The following RBFOX1 variants were observed in gnomAD, a reference collection of about 807,000 sequenced individuals.
RBFOX1 encodes the protein RNA binding fox-1 homolog 1.
In RBFOX1, 8 loss-of-function variants were observed where a neutral mutation model predicts 57.7. The ratio of observed to expected loss-of-function variants is 0.14; its 90% CI spans 0.08 to 0.25. RBFOX1 has a LOEUF of 0.25. Among genes scored for constraint, RBFOX1 ranks in the 10% least tolerant of loss-of-function variants. The pLI, the probability that RBFOX1 is intolerant of heterozygous loss-of-function variation, is 1.00. For missense variants in RBFOX1, 611 were observed against 548.5 expected, an observed-to-expected ratio of 1.11 and a Z score of -1.14; for synonymous variants, 326 against 222.4, an observed-to-expected ratio of 1.47 and a Z score of -4.15.
At chr16:7,646,263 A>G (rs896087812) in intron 11 of RBFOX1, among the ~76,000 whole-genome samples, 1 of 152,196 alleles carries the variant, frequency 6.6e-6, no homozygotes, top group African/African-American at 2.4e-5. Flanking sequence ...TCTATGAGCT[A>G]TGGCTGGTGG....
chr16:5,406,453 A>G (rs1289156044), intron 1 of RBFOX1, among the ~76,000 whole-genome samples: 1 of 152,064 alleles, frequency 6.6e-6, no homozygotes, highest in East Asian at 1.9e-4. Context: ...GATGTATCCC[A>G]TTGGTTTTTC....
chr16:7,697,202 G>A (rs1200502581), intron 14 of RBFOX1, among the ~76,000 whole-genome samples: 1 of 152,142 alleles, frequency 6.6e-6, no homozygotes, highest in Non-Finnish European at 1.5e-5. Flanking sequence ...GGTGACAATG[G>A]CTTGGGTTAG....
chr16:6,525,917 C>T (rs975043019), intron 2 of RBFOX1, among the ~76,000 whole-genome samples: 15 of 151,770 alleles, frequency 9.9e-5, no homozygotes, highest in African/African-American at 3.6e-4. Flanking sequence ...ATGCCTGTGT[C>T]TGCTACAAGC....
chr16:6,106,548 C>G (rs573332149), intron 1 of RBFOX1, among the ~76,000 whole-genome samples: 97 of 151,904 alleles, frequency 6.4e-4, no homozygotes, highest in Non-Finnish European at 9.4e-4. Context: ...ATGGGTTGAC[C>G]TTCAATGAGA....
At chr16:7,219,378 C>G (rs1303350268) in intron 4 of RBFOX1, among the ~76,000 whole-genome samples, 2 of 152,184 alleles carry the variant, frequency 1.3e-5, no homozygotes, top group African/African-American at 2.4e-5. Context: ...TGGGTAAACA[C>G]TGCCAACTCT....
intron 2 of RBFOX1, among the ~76,000 whole-genome samples, chr16:6,593,114 C>G (rs936024145): frequency 6.6e-6 from 1 of 152,116 alleles, no homozygotes; most frequent in Non-Finnish European, 1.5e-5. Flanking sequence ...ATCACTTGAG[C>G]CTGGAAGACA....
intron 2 of RBFOX1, among the ~76,000 whole-genome samples, chr16:6,574,046 C>T (rs781587402): frequency 1.1e-4 from 17 of 152,204 alleles, no homozygotes; most frequent in Admixed American, 3.3e-4. Context: ...TTCTCTCGCT[C>T]TGCCAACCCT....
chr16:6,524,890 C>G (rs1326231350), intron 2 of RBFOX1, among the ~76,000 whole-genome samples: 1 of 152,148 alleles, frequency 6.6e-6, no homozygotes, highest in Non-Finnish European at 1.5e-5. Context: ...ACACCATTCC[C>G]TGGATTTAGG....
intron 3 of RBFOX1, among the ~76,000 whole-genome samples, chr16:6,943,652 G>A (rs914790700): frequency 1.3e-5 from 2 of 151,338 alleles, no homozygotes; most frequent in Non-Finnish European, 2.9e-5. Context: ...AGCTTGCAGT[G>A]AGCCAAGATT....
intron 3 of RBFOX1, among the ~76,000 whole-genome samples, chr16:7,043,070 CTTTTG>C (rs562033070): frequency 0.028 from 2,528 of 91,918 alleles, 80 homozygotes; most frequent in African/African-American, 0.12. Flanking sequence ...CTTTATCCTG[CTTTTG>C]ACTGTGCCAT....
At chr16:5,454,931 C>CTTTG in intron 1 of RBFOX1, among the ~76,000 whole-genome samples, 2 of 34,538 alleles carry the variant, frequency 5.8e-5, no homozygotes, top group East Asian at 1.3e-3. Flanking sequence ...TTCTTTCTTC[C>CTTTG]TTCCTTCCTT....
intron 4 of RBFOX1, among the ~76,000 whole-genome samples, chr16:7,105,080 C>G (rs906476766): frequency 6.6e-6 from 1 of 152,072 alleles, no homozygotes; most frequent in Non-Finnish European, 1.5e-5. Flanking sequence ...GCCCTTTGAG[C>G]TGAAAGAGAG....
rs561568762 is a variant in RBFOX1 at position 5,937,302 on chromosome 16, A to G, written c.351+69967A>G. The stretch of plus-strand genomic sequence containing the variant: ...TGTGAACAAACTTGGCAAACACTGG[A>G]AAGAGAGAAGTGAGAAGACAGTATC... On this transcript the variant is annotated intron_variant, in intron 4 of 19. Coordinates refer to the RBFOX1 transcript ENST00000641259. 3.6e-4 allele frequency among the ~76,000 whole-genome samples: 55 copies of G among 152,288 alleles called. 1 individual carries two copies. Among genetic ancestry groups the G allele is most frequent in the African/African-American group, 1.2e-3 (50 of 41,566 alleles).
intron 14 of RBFOX1, among the ~76,000 whole-genome samples, chr16:7,707,785 C>G (rs936287532): frequency 6.6e-6 from 1 of 152,190 alleles, no homozygotes; most frequent in South Asian, 2.1e-4. Context: ...CCCATAGGAT[C>G]AGGTCGCAGA....
intron 1 of RBFOX1, among the ~76,000 whole-genome samples, chr16:6,123,711 C>T (rs2096568269): frequency 6.6e-6 from 1 of 152,100 alleles, no homozygotes; most frequent in Admixed American, 6.6e-5. Flanking sequence ...CCAAGACCAG[C>T]CTGGGCAACA....
intron 2 of RBFOX1, among the ~76,000 whole-genome samples, chr16:6,587,955 C>T (rs1246186834): frequency 6.6e-6 from 1 of 152,166 alleles, no homozygotes; most frequent in Non-Finnish European, 1.5e-5. Flanking sequence ...TTTTGCCTGG[C>T]ACAGTGGCTC....
intron 3 of RBFOX1, among the ~76,000 whole-genome samples, chr16:6,930,266 G>A (rs1045135146): frequency 2.0e-5 from 3 of 152,150 alleles, no homozygotes; most frequent in Non-Finnish European, 2.9e-5. Context: ...CCGAGCAGAG[G>A]ATTTGAATAG....
chr16:6,985,268 A>T (rs1345377981), intron 3 of RBFOX1, among the ~76,000 whole-genome samples: 1 of 152,214 alleles, frequency 6.6e-6, no homozygotes, highest in Non-Finnish European at 1.5e-5. Flanking sequence ...TTGGTAGGGA[A>T]TATATCTTAT....
intron 1 of RBFOX1, among the ~76,000 whole-genome samples, chr16:5,311,451 A>G (rs894031177): frequency 6.6e-6 from 1 of 152,130 alleles, no homozygotes; most frequent in Non-Finnish European, 1.5e-5. Context: ...ATAGATCTAC[A>G]TTTAGTTCTT....
Sources: gnomAD v4.1 joint callset for allele counts (sites outside exome capture counted in the v4.1 genomes callset) on GRCh38, gnomAD v4.1.1 for gene constraint, MANE v1.5 for transcripts, NCBI Gene and HGNC (gene_info 2026-07-23, HGNC 2026-07-21) for gene names.